Variants in SLC35G1 observed in about 807,000 individuals in gnomAD.
SLC35G1 encodes partner of STIM1.
A neutral mutation model predicts 17.1 loss-of-function variants in SLC35G1; 10 were observed. The observed-to-expected ratio is 0.59, with a 90% confidence interval of 0.36 to 0.99. The LOEUF is 0.99. SLC35G1 is among the 50% of genes least tolerant of loss of function. SLC35G1 has a pLI of 0.01. For missense variants in SLC35G1, 433 were observed against 468.4 expected (o/e 0.92, Z 0.70); for synonymous variants, 185 against 181.1 (o/e 1.02, Z -0.18).
rs1339752350 is a variant in SLC35G1 at position 93,903,039 on chromosome 10, T to C, written c.*1549T>C. ...GCAGAGTTGAAAGGTTATAGGCTCT[T>C]TCCTACCCTCTCATCATAATTTTTC... On this transcript the variant is annotated 3_prime_UTR_variant, in exon 3 of 3. Transcript: ENST00000427197. 3 of 152,188 alleles carry C rather than the reference T, an allele frequency of 2.0e-5. No homozygotes were observed. The highest frequency in any genetic ancestry group is 4.4e-5 in the Non-Finnish European group (3 of 68,036). The allele number at this position is 152,188 out of a possible 1,614,324, so 9.4% of individuals were successfully genotyped here. A position where few individuals can be genotyped will look rare whatever the true frequency, so the allele number is the denominator to read the frequency against.
chr10:93,906,613 C>T (rs1394310507), downstream of SLC35G1, among the ~76,000 whole-genome samples: 1 of 152,134 alleles, frequency 6.6e-6, no homozygotes, highest in African/African-American at 2.4e-5. Flanking sequence ...ATCACAATTA[C>T]ATAAAGCAAA....
chr10:93,897,830 AC>A, intron 1 of SLC35G1, among the ~76,000 whole-genome samples: 1 of 152,334 alleles, frequency 6.6e-6, no homozygotes, highest in African/African-American at 2.4e-5. Flanking sequence ...GGGCTAGATA[AC>A]CCACACCCTC....
rs2060396215 is a variant in SLC35G1 at position 93,902,300 on chromosome 10, T to G, written c.*810T>G. The G allele has an allele frequency of 1.3e-5, 2 of 152,590 alleles. 1 individual carries two copies. Among genetic ancestry groups the G allele is most frequent in the South Asian group, 4.1e-4 (2 of 4,828 alleles). The allele number at this position is 152,590 out of a possible 1,614,324, so 9.5% of individuals were successfully genotyped here. ...CATTCCAAGATTTCAGATCTCTAAA[T>G]CACAAAGAGAAATCTTGGCATGACC... On this transcript the variant is annotated 3_prime_UTR_variant, in exon 3 of 3. Coordinates refer to ENST00000427197, the MANE Select transcript of SLC35G1 (RefSeq NM_001134658.3).
downstream of SLC35G1, among the ~76,000 whole-genome samples, chr10:93,904,885 C>T (rs1379131470): frequency 6.6e-6 from 1 of 152,162 alleles, no homozygotes; most frequent in African/African-American, 2.4e-5. Flanking sequence ...TACCAGAGTC[C>T]TTACTCCCGA....
rs568410912 is a variant in SLC35G1, at chr10:93,903,027, G to T, written c.*1537G>T. 1 of 152,250 alleles carries T rather than the reference G, an allele frequency of 6.6e-6. No individual in the cohort carries two copies. The highest frequency in any genetic ancestry group is 1.9e-4 in the East Asian group (1 of 5,184). 9.4% of individuals were successfully genotyped at this position (152,250 alleles called of 1,614,324 possible). A position where few individuals can be genotyped will look rare whatever the true frequency, so the allele number is the denominator to read the frequency against. On this transcript the variant is annotated 3_prime_UTR_variant, in exon 3 of 3. Coordinates refer to ENST00000427197, the MANE Select transcript of SLC35G1 (RefSeq NM_001134658.3). ...TATCTTAAGCCTGCAGAGTTGAAAG[G>T]TTATAGGCTCTTTCCTACCCTCTCA...
intron 1 of SLC35G1, 115 bp downstream of exon 1, chr10:93,894,326 C>A: frequency 9.6e-7 from 1 of 1,043,100 alleles, no homozygotes; most frequent in Non-Finnish European, 1.3e-6. Flanking sequence ...CGTCCCCACC[C>A]TGCCCGGGGC....
At chr10:93,898,435 C>A in intron 1 of SLC35G1, 136 bp from the exon 2 acceptor site, 2 of 727,850 alleles carry the variant, frequency 2.7e-6, no homozygotes, top group Non-Finnish European at 4.4e-6. Context: ...ATGGTACAGG[C>A]CCAGAGAAAT....
chr10:93,903,211 A>G lies in SLC35G1; in HGVS notation c.*1721A>G, dbSNP rs573381976. 9 of 152,302 alleles carry G rather than the reference A, an allele frequency of 5.9e-5. No individual in the cohort carries two copies. In the East Asian group the frequency reaches 1.7e-3, roughly 29 times the overall value. 9.4% of individuals were successfully genotyped at this position (152,302 alleles called of 1,614,324 possible). On this transcript the variant is annotated 3_prime_UTR_variant, in exon 3 of 3. Coordinates refer to ENST00000427197, the MANE Select transcript of SLC35G1 (RefSeq NM_001134658.3). Reference sequence around the variant, plus strand: ...ACCCTAAATGAAGTCTATGTAGGTGAGTCATCTCTGTTCCACCTGATTTAC... The same window carrying G: ...ACCCTAAATGAAGTCTATGTAGGTGGGTCATCTCTGTTCCACCTGATTTAC...
intron 2 of SLC35G1, among the ~76,000 whole-genome samples, chr10:93,899,269 T>C (rs888072014): frequency 6.6e-6 from 1 of 152,234 alleles, no homozygotes. Flanking sequence ...GGAATGATAC[T>C]GTGTGACTTC....
At position 93,901,529 on chromosome 10, in the gene SLC35G1, C is replaced by T. The variant is rs1424895432; in HGVS notation, c.*39C>T. 2 of 1,543,238 alleles carry T rather than the reference C, an allele frequency of 1.3e-6. No individual in the cohort carries two copies. The highest frequency in any genetic ancestry group is 1.7e-6 in the Non-Finnish European group (2 of 1,147,852). The stretch of plus-strand genomic sequence containing the variant: ...AAATACATATTTTTTTCAAGTACAC[C>T]ATCACCTAATTCACATACAGCATAC... On this transcript the variant is annotated 3_prime_UTR_variant, in exon 3 of 3. Transcript: ENST00000427197.
rs1589803514 is a variant in SLC35G1, at chr10:93,902,640, G to A, written c.*1150G>A. On this transcript the variant is annotated 3_prime_UTR_variant, in exon 3 of 3. Coordinates refer to ENST00000427197, the MANE Select transcript of SLC35G1 (RefSeq NM_001134658.3). ...TAGTTATGAAATTATGTGTAATAATGCTTTATGTTATACATTAAATGTAAA... is the reference window on the plus strand; with the variant it reads ...TAGTTATGAAATTATGTGTAATAATACTTTATGTTATACATTAAATGTAAA... 2 of 152,466 alleles carry A rather than the reference G, an allele frequency of 1.3e-5. No homozygotes were observed. The highest frequency in any genetic ancestry group is 2.1e-4 in the South Asian group (1 of 4,822). The allele number at this position is 152,466 out of a possible 1,614,324, so 9.4% of individuals were successfully genotyped here.
Position 93,903,137 on chromosome 10 carries a change from G to A in SLC35G1, c.*1647G>A, listed in dbSNP as rs1191963985. The A allele has an allele frequency of 6.6e-6, 1 of 152,092 alleles. No homozygotes were observed. The highest frequency in any genetic ancestry group is 1.5e-5 in the Non-Finnish European group (1 of 68,020). The allele number at this position is 152,092 out of a possible 1,614,324, so 9.4% of individuals were successfully genotyped here. A position where few individuals can be genotyped will look rare whatever the true frequency, so the allele number is the denominator to read the frequency against. ...AGAATCTTTTCCAATAGTTCCAATG[G>A]GGGAATTTTTGGCTTGCTGATTTTA... On this transcript the variant is annotated 3_prime_UTR_variant, in exon 3 of 3. Coordinates refer to ENST00000427197, the MANE Select transcript of SLC35G1 (RefSeq NM_001134658.3).
intron 1 of SLC35G1, 86 bp downstream of exon 1, chr10:93,894,297 A>T: frequency 8.1e-7 from 1 of 1,233,218 alleles, no homozygotes; most frequent in Non-Finnish European, 1.0e-6. Flanking sequence ...CAACCCGGGC[A>T]CAGTGCCCGC....
In SLC35G1 at chr10:93,901,438, T is replaced by C. The variant is rs1413092157; in HGVS notation, c.1046T>C (p.Val349Ala). The C allele has an allele frequency of 6.2e-7, 1 of 1,608,706 alleles. No homozygotes were observed. The highest frequency in any genetic ancestry group is 8.5e-7 in the Non-Finnish European group (1 of 1,178,330). ...ACAGTGGGTGGTGCTCTCTGCGTAGTAGCCAGTAATGTTGGAGCGGCCATT... is the reference window on the plus strand; with the variant it reads ...ACAGTGGGTGGTGCTCTCTGCGTAGCAGCCAGTAATGTTGGAGCGGCCATT... ...WWTVGGALCV[V>A]ASNVGAAIRK... Residue 349 changes from valine to alanine, a missense_variant, in exon 3 of 3, where the codon GTA becomes GCA. By Grantham distance (64) the Val-to-Ala change is moderately conservative. Coordinates refer to ENST00000427197, the MANE Select transcript of SLC35G1 (RefSeq NM_001134658.3).
At chr10:93,894,677 T>G (rs1356823573) in intron 1 of SLC35G1, among the ~76,000 whole-genome samples, 2 of 152,158 alleles carry the variant, frequency 1.3e-5, no homozygotes, top group African/African-American at 4.8e-5. Context: ...CCTAGAGTTT[T>G]AGAATCTTGG....
intron 1 of SLC35G1, among the ~76,000 whole-genome samples, chr10:93,898,062 A>G (rs559716155): frequency 4.5e-4 from 69 of 152,372 alleles, no homozygotes; most frequent in African/African-American, 1.5e-3. Flanking sequence ...TGTACAAGAC[A>G]GCAAGATCCC....
At chr10:93,898,202 G>T (rs1302989298) in intron 1 of SLC35G1, among the ~76,000 whole-genome samples, 3 of 152,156 alleles carry the variant, frequency 2.0e-5, no homozygotes, top group Non-Finnish European at 4.4e-5. Flanking sequence ...AGTGAGGTGT[G>T]GCGTAAGATA....
downstream of SLC35G1, among the ~76,000 whole-genome samples, chr10:93,905,907 G>A (rs936769379): frequency 6.6e-6 from 1 of 152,168 alleles, no homozygotes; most frequent in Non-Finnish European, 1.5e-5. Flanking sequence ...GAATGGTGCA[G>A]CATGAAAGTA....
rs747441157 is a variant in SLC35G1 at position 93,901,077 on chromosome 10, A to T, written c.685A>T (p.Ile229Phe). ...SGHLKGTFAAIGSAVFAASTL... is the reference protein window; with the variant it reads ...SGHLKGTFAAFGSAVFAASTL... ...CCACCTTAAGGGAACATTCGCAGCA[A>T]TTGGAAGTGCCGTATTTGCTGCATC... Residue 229 changes from isoleucine (I) to phenylalanine (F), a missense_variant, in exon 3 of 3, where the codon ATT (isoleucine) becomes TTT (phenylalanine). Physicochemically the swap from Ile to Phe is conservative, Grantham distance 21 (BLOSUM62 0). Transcript: ENST00000427197. 6.8e-6 allele frequency: 11 copies of T among 1,614,020 alleles called. No individual in the cohort carries two copies. Among genetic ancestry groups the T allele is most frequent in the Non-Finnish European group, 9.3e-6 (11 of 1,179,994 alleles).
Sources: allele counts gnomAD v4.1 joint callset (sites outside exome capture counted in the v4.1 genomes callset), GRCh38; gene constraint gnomAD v4.1.1; transcripts MANE v1.5; gene names NCBI Gene and HGNC (gene_info 2026-07-23, HGNC 2026-07-21).